Variants in ALG14 observed in about 807,000 individuals in gnomAD.
The protein encoded by ALG14 is ALG14 UDP-N-acetylglucosaminyltransferase subunit.
A neutral mutation model predicts 22.8 loss-of-function variants in ALG14; 17 were observed. The ratio of observed to expected loss-of-function variants is 0.75; its 90% CI spans 0.51 to 1.12. ALG14 has a LOEUF of 1.12. Ranked by LOEUF, ALG14 falls within the 50% of genes most tolerant of loss-of-function variation. The pLI is 0.00. For missense variants in ALG14, 288 were observed against 271.8 expected (o/e 1.06, Z -0.42); for synonymous variants, 89 against 103.7 (o/e 0.86, Z 0.86).
Position 95,055,828 on chromosome 1 carries a change from TAAAAAAAAAAAAA to T in ALG14, c.288+9025_288+9037del, listed in dbSNP as rs35131311. On this transcript the variant is annotated intron_variant, in intron 2 of 3. Coordinates refer to ENST00000370205, the MANE Select transcript of ALG14 (RefSeq NM_144988.4). Reference sequence around the variant, plus strand: ...TAACATGGTGAAATCCCGTCTCTACTAAAAAAAAAAAAAAAAAAAAAAAAAAAAAAAATTAGCC... The same window carrying T: ...TAACATGGTGAAATCCCGTCTCTACTAAAAAAAAAAAAAAAAAAATTAGCC... 3.9e-4 allele frequency among the ~76,000 whole-genome samples: 13 copies of T among 33,048 alleles called. No individual in the cohort carries two copies. The Admixed American group carries it at 4.2e-3, about 11-fold the overall frequency. 21.7% of individuals were successfully genotyped at this position (33,048 alleles called of 152,430 possible).
chr1:94,988,772 A>G (rs1416160406), intron 3 of ALG14, among the ~76,000 whole-genome samples: 1 of 152,220 alleles, frequency 6.6e-6, no homozygotes, highest in Non-Finnish European at 1.5e-5. Context: ...AGAATATGAT[A>G]AAAGATAAAA....
At chr1:94,999,343 A>ATTT (rs548389921) in intron 3 of ALG14, among the ~76,000 whole-genome samples, 17 of 108,748 alleles carry the variant, frequency 1.6e-4, no homozygotes, top group African/African-American at 3.6e-4. Flanking sequence ...CAGTAGACCC[A>ATTT]TTTTTTTTTT....
At chr1:95,014,840 G>A (rs977088266) in intron 3 of ALG14, among the ~76,000 whole-genome samples, 1 of 152,058 alleles carries the variant, frequency 6.6e-6, no homozygotes, top group African/African-American at 2.4e-5. Flanking sequence ...AATAGTTTCA[G>A]GCTATCTTAA....
rs1242480988 is a variant in ALG14 at position 94,982,561 on chromosome 1, A to T, written c.*515T>A. On this transcript the variant is annotated 3_prime_UTR_variant, in exon 4 of 4. Transcript: ENST00000370205. ...GTGCAAATTGTCATGAAGCCAATTT[A>T]ATATAACTGCTTCCTTTATGCTGAA... The T allele has an allele frequency of 6.5e-6, 1 of 153,202 alleles. No homozygotes were observed. Among genetic ancestry groups the T allele is most frequent in the African/African-American group, 2.4e-5 (1 of 41,472 alleles). 9.5% of individuals were successfully genotyped at this position (153,202 alleles called of 1,614,324 possible).
rs200299976 is a variant in ALG14 at position 95,027,183 on chromosome 1, G to C, written c.366C>G (p.Thr122=). The C allele has an allele frequency of 6.2e-7, 1 of 1,614,196 alleles. No homozygotes were observed. Among genetic ancestry groups the C allele is most frequent in the South Asian group, 1.1e-5 (1 of 91,084 alleles). Residue 122 remains threonine (T), a synonymous_variant, in exon 3 of 4, where the codon ACC becomes ACG. Transcript: ENST00000370205. ...GAAAGGAGAGCCACATGGAGTGCAA[G>C]GTGGTGAAAACGGTGGAGGGCCAGG... The part of the protein sequence containing the change: ...QQSWPSTVFT[T]LHSMWLSFPL...
intron 3 of ALG14, among the ~76,000 whole-genome samples, chr1:95,004,215 CTTTTTTTTTTT>C (rs869303546): frequency 8.5e-6 from 1 of 117,088 alleles, no homozygotes; most frequent in Non-Finnish European, 1.7e-5. Context: ...GGGTAATTAA[CTTTTTTTTTTT>C]TTTTTTTTTT....
chr1:95,005,014 AG>A (rs1673178794), intron 3 of ALG14, among the ~76,000 whole-genome samples: 1 of 152,134 alleles, frequency 6.6e-6, no homozygotes, highest in Non-Finnish European at 1.5e-5. Flanking sequence ...CCATGTTGGC[AG>A]GAACTCTCCA....
rs975335438 is a variant in ALG14 at position 94,982,556 on chromosome 1, A to C, written c.*520T>G. 3 of 153,298 alleles carry C rather than the reference A, an allele frequency of 2.0e-5. No individual in the cohort carries two copies. In the East Asian group the frequency reaches 5.7e-4, roughly 29 times the overall value. The allele number at this position is 153,298 out of a possible 1,614,324, so 9.5% of individuals were successfully genotyped here. On this transcript the variant is annotated 3_prime_UTR_variant, in exon 4 of 4. Transcript: ENST00000370205. ...GTGGAGTGCAAATTGTCATGAAGCC[A>C]ATTTAATATAACTGCTTCCTTTATG... is the stretch of plus-strand genomic sequence containing the variant.
At chr1:95,065,789 CAAA>C (rs1281383711) in intron 1 of ALG14, among the ~76,000 whole-genome samples, 3 of 152,130 alleles carry the variant, frequency 2.0e-5, no homozygotes, top group African/African-American at 7.2e-5. Context: ...TCAGCTTCAC[CAAA>C]TGAGTAATGT....
intron 1 of ALG14, chr1:95,067,000 TA>T (rs2100845710): frequency 1.3e-5 from 2 of 152,386 alleles, no homozygotes; most frequent in Non-Finnish European, 2.9e-5. Context: ...AATAGTCTTT[TA>T]TTTCCTTTTT....
chr1:94,993,755 C>T (rs541221368), intron 3 of ALG14, among the ~76,000 whole-genome samples: 1 of 152,286 alleles, frequency 6.6e-6, no homozygotes, highest in Non-Finnish European at 1.5e-5. Flanking sequence ...AGCCTACTTG[C>T]GAGCATGCTG....
intron 3 of ALG14, among the ~76,000 whole-genome samples, chr1:94,992,207 T>C (rs1200421603): frequency 1.3e-5 from 2 of 152,226 alleles, no homozygotes; most frequent in Non-Finnish European, 2.9e-5. Flanking sequence ...TACATAATTA[T>C]ATGTGCTATA....
intron 2 of ALG14, among the ~76,000 whole-genome samples, chr1:95,034,617 T>C (rs935495342): frequency 6.6e-6 from 1 of 152,158 alleles, no homozygotes. Context: ...CACCAGGACC[T>C]GAACCCAGGT....
intron 2 of ALG14, among the ~76,000 whole-genome samples, chr1:95,033,212 C>T (rs551416663): frequency 4.1e-4 from 63 of 151,970 alleles, no homozygotes; most frequent in African/African-American, 1.4e-3. Flanking sequence ...ATTTTACCAC[C>T]CCTACCTCCC....
chr1:95,006,724 GTCTT>G (rs1673230549), intron 3 of ALG14, among the ~76,000 whole-genome samples: 1 of 152,206 alleles, frequency 6.6e-6, no homozygotes, highest in East Asian at 1.9e-4. Flanking sequence ...CCCGACAAAG[GTCTT>G]TGTTCTGGAA....
chr1:95,063,432 C>T (rs1165056259), intron 2 of ALG14, among the ~76,000 whole-genome samples: 1 of 152,122 alleles, frequency 6.6e-6, no homozygotes, highest in Non-Finnish European at 1.5e-5. Context: ...TTGGGTTTTA[C>T]ATTTATGTCT....
rs200879471 is a variant in ALG14 at position 95,048,825 on chromosome 1, CCTTT to C, written c.288+16037_288+16040del. Among the ~76,000 whole-genome samples, 12 of 151,592 alleles carry C rather than the reference CCTTT, an allele frequency of 7.9e-5. No individual in the cohort carries two copies. In the East Asian group the frequency reaches 2.3e-3, roughly 29 times the overall value. Reference sequence around the variant, plus strand: ...TTTTTTCTTAGCTCTCCACTCTTTGCCTTTCTAATTTCAGTTGTTAGTCAAGGAA... The same window carrying C: ...TTTTTTCTTAGCTCTCCACTCTTTGCCTAATTTCAGTTGTTAGTCAAGGAA... On this transcript the variant is annotated intron_variant, in intron 2 of 3. Transcript: ENST00000370205.
At chr1:95,072,620 C>A in intron 1 of ALG14, 143 bp downstream of exon 1, 2 of 1,264,128 alleles carry the variant, frequency 1.6e-6, no homozygotes, top group Non-Finnish European at 2.2e-6. Flanking sequence ...CTGGACTGCC[C>A]GGTTCCGGCA....
chr1:95,020,502 G>T (rs1673631101), intron 3 of ALG14, among the ~76,000 whole-genome samples: 1 of 151,324 alleles, frequency 6.6e-6, no homozygotes, highest in South Asian at 2.1e-4. Flanking sequence ...ACTTTGGGAG[G>T]CCGAGGCGGG....
Sources: allele counts gnomAD v4.1 joint callset (sites outside exome capture counted in the v4.1 genomes callset), GRCh38; gene constraint gnomAD v4.1.1; transcripts MANE v1.5; gene names NCBI Gene and HGNC (gene_info 2026-07-23, HGNC 2026-07-21).